The following SLC12A5 variants were observed in gnomAD, a reference collection of about 807,000 sequenced individuals.
The protein encoded by SLC12A5 is solute carrier family 12 member 5.
SLC12A5 carries 18 observed loss-of-function variants against 124.0 expected under a neutral mutation model. The observed-to-expected ratio is 0.15, with a 90% CI of 0.10 to 0.22. The LOEUF (loss-of-function observed/expected upper bound fraction) is 0.22, where lower values mean the gene tolerates loss of function less well. Among genes scored for constraint, SLC12A5 ranks in the 10% least tolerant of loss-of-function variants. SLC12A5 has a pLI of 1.00. For missense variants in SLC12A5, 867 were observed against 1,478.7 expected (o/e 0.59, Z 6.78); for synonymous variants, 589 against 568.0 (o/e 1.04, Z -0.53).
chr20:46,043,837 G>A (rs752559988), intron 10 of SLC12A5, 39 bp from the exon 11 acceptor site: 7 of 1,613,614 alleles, frequency 4.3e-6, no homozygotes, highest in South Asian at 1.1e-5. Context: ...GGAGGGGGAG[G>A]ACTGAACCGT....
chr20:46,051,564 A>T, intron 17 of SLC12A5, 111 bp from the exon 18 acceptor site: 3 of 1,017,374 alleles, frequency 2.9e-6, no homozygotes, highest in Non-Finnish European at 4.4e-6. Flanking sequence ...GCTGAGCTTC[A>T]GGAAGATTGG....
intron 1 of SLC12A5, among the ~76,000 whole-genome samples, chr20:46,034,052 G>C (rs965806104): frequency 6.6e-6 from 1 of 151,964 alleles, no homozygotes; most frequent in African/African-American, 2.4e-5. Flanking sequence ...ACCAGCCTGC[G>C]CTTCCCTTCC....
At chr20:46,032,088 C>G (rs1414580645) in intron 1 of SLC12A5, among the ~76,000 whole-genome samples, 1 of 152,232 alleles carries the variant, frequency 6.6e-6, no homozygotes, top group East Asian at 1.9e-4. Context: ...TCTCCCCTGC[C>G]CTCATCTCCT....
intron 2 of SLC12A5, chr20:46,023,282 C>T (rs1474792118): frequency 5.0e-6 from 2 of 398,414 alleles, no homozygotes; most frequent in East Asian, 3.6e-5. Flanking sequence ...TCTCTTTTCT[C>T]ATTTTCATGA....
intron 3 of SLC12A5, 35 bp downstream of exon 3, chr20:46,035,570 GGGAC>G: frequency 6.3e-7 from 1 of 1,591,410 alleles, no homozygotes; most frequent in Non-Finnish European, 8.6e-7. Context: ...TGGAAGAAAA[GGGAC>G]GGATGGGGGG....
In SLC12A5 at chr20:46,035,433, C is replaced by T. The variant is rs1340470237; in HGVS notation, c.177C>T (p.Ser59=). Residue 59 remains serine (S), a synonymous_variant, in exon 3 of 26, where the codon TCC becomes TCT. Transcript: ENST00000243964. ...EEEMDTSPMV[S]SLLSGLANYT... Reference sequence around the variant, plus strand: ...AGATGGACACCAGCCCTATGGTGTCCTCCTTGCTCAGTGGCCTGGCCAACT... The same window carrying T: ...AGATGGACACCAGCCCTATGGTGTCTTCCTTGCTCAGTGGCCTGGCCAACT... 4 of 1,613,902 alleles carry T rather than the reference C, an allele frequency of 2.5e-6. No individual in the cohort carries two copies. Among genetic ancestry groups the T allele is most frequent in the Non-Finnish European group, 8.5e-7 (1 of 1,180,002 alleles).
At chr20:46,049,375 A>AATATGCAT (rs1480221423) in intron 16 of SLC12A5, among the ~76,000 whole-genome samples, 2 of 152,208 alleles carry the variant, frequency 1.3e-5, no homozygotes, top group African/African-American at 4.8e-5. Flanking sequence ...TCAGTAAAGA[A>AATATGCAT]ATATGCATAT....
chr20:46,047,612 G>C (rs748307273), intron 15 of SLC12A5, 39 bp downstream of exon 15: 114 of 1,602,250 alleles, frequency 7.1e-5, no homozygotes, highest in Non-Finnish European at 9.2e-5. Flanking sequence ...GCTGGGGAAG[G>C]CTGAAGGGTG....
Position 46,053,453 on chromosome 20 carries a change from TG to T in SLC12A5, c.2548-121del. 1 of 1,314,508 alleles carries T rather than the reference TG, an allele frequency of 7.6e-7. No individual in the cohort carries two copies. The highest frequency in any genetic ancestry group is 1.1e-6 in the Non-Finnish European group (1 of 944,890). The allele number at this position is 1,314,508 out of a possible 1,614,324, so 81.4% of individuals were successfully genotyped here. A position where few individuals can be genotyped will look rare whatever the true frequency, so the allele number is the denominator to read the frequency against. ...AGAGTGGCCCCAAAGACAGAGGATT[TG>T]GGGTCTGCATGTATGTGTGAGGAGT... On this transcript the variant is annotated intron_variant, in intron 19 of 25. Coordinates refer to ENST00000243964, the MANE Select transcript of SLC12A5 (RefSeq NM_020708.5). The surrounding 1 kb of genome is among the most constrained non-coding windows in gnomAD (Gnocchi z 4.7).
chr20:46,058,775 C>A lies in SLC12A5; in HGVS notation c.*1170C>A. On this transcript the variant is annotated 3_prime_UTR_variant, in exon 26 of 26. Coordinates refer to ENST00000243964, the MANE Select transcript of SLC12A5 (RefSeq NM_020708.5). This position sits in a 1 kb window ranked among gnomAD's most constrained non-coding sequence, Gnocchi z 5.8. ...GCCGATTCTGGTTTAGGGGCCGGACCCACTGAGAGGCCCCAGAGCCGCCCG... is the reference window on the plus strand; with the variant it reads ...GCCGATTCTGGTTTAGGGGCCGGACACACTGAGAGGCCCCAGAGCCGCCCG... 1 of 398,528 alleles carries A rather than the reference C, an allele frequency of 2.5e-6. No homozygotes were observed. Among genetic ancestry groups the A allele is most frequent in the South Asian group, 1.3e-4 (1 of 7,616 alleles). 24.7% of individuals were successfully genotyped at this position (398,528 alleles called of 1,614,324 possible).
chr20:46,058,894 A>T lies in SLC12A5; in HGVS notation c.*1289A>T, dbSNP rs1446050474. On this transcript the variant is annotated 3_prime_UTR_variant, in exon 26 of 26. Transcript: ENST00000243964. The surrounding 1 kb of genome is among the most constrained non-coding windows in gnomAD (Gnocchi z 5.8). ...GCTCTGGGGCCGGGCCTCGCTGCTT[A>T]GCAGCGGCCTCTAGCTCCGTCTCCC... 2.5e-6 allele frequency: 1 copy of T among 396,904 alleles called. No individual in the cohort carries two copies. The highest frequency in any genetic ancestry group is 2.1e-5 in the African/African-American group (1 of 48,592). The allele number at this position is 396,904 out of a possible 1,614,324, so 24.6% of individuals were successfully genotyped here. A position where few individuals can be genotyped will look rare whatever the true frequency, so the allele number is the denominator to read the frequency against.
At chr20:46,039,775 C>A (rs1199717457) in intron 6 of SLC12A5, among the ~76,000 whole-genome samples, 8 of 144,636 alleles carry the variant, frequency 5.5e-5, no homozygotes, top group South Asian at 2.2e-4. Context: ...AACTTTATTT[C>A]AAAAAAAAAA....
At chr20:46,032,972 TC>T (rs907019324) in intron 1 of SLC12A5, among the ~76,000 whole-genome samples, 1 of 152,136 alleles carries the variant, frequency 6.6e-6, no homozygotes, top group Non-Finnish European at 1.5e-5. Context: ...TCCCAGGAAC[TC>T]ACATATGTGA....
upstream of SLC12A5, chr20:46,029,054 A>G: frequency 8.9e-7 from 1 of 1,127,686 alleles, no homozygotes; most frequent in Non-Finnish European, 1.1e-6. Flanking sequence ...CCCGCCCCTC[A>G]TCTTCTCTTC....
Position 46,051,787 on chromosome 20 carries a change from G to A in SLC12A5, c.2294G>A (p.Gly765Glu). The A allele has an allele frequency of 6.2e-7, 1 of 1,608,816 alleles. No individual in the cohort carries two copies. Among genetic ancestry groups the A allele is most frequent in the Non-Finnish European group, 8.5e-7 (1 of 1,177,854 alleles). The change falls in exon 18 of 26, where the codon GGG (glycine) becomes GAG (glutamate). Residue 765 changes from glycine (G) to glutamate (E), a missense_variant. Around this residue, in one of 9 missense-constraint regions of SLC12A5, gnomAD observed 110 missense variants for 149.9 expected, o/e 0.73. Transcript: ENST00000243964. ...SHLIQSGGLG[G>E]LQHNTVLVGW... ...CTGATCCAGTCCGGGGGCCTCGGGG[G>A]GCTGCAGCACAACACTGTGCTTGTT...
upstream of SLC12A5, among the ~76,000 whole-genome samples, chr20:46,025,765 A>G (rs2084392476): frequency 6.6e-6 from 1 of 152,144 alleles, no homozygotes. Context: ...TGGACTCATC[A>G]ATTCACTGCT....
upstream of SLC12A5, chr20:46,021,700 G>A: frequency 6.6e-7 from 1 of 1,521,250 alleles, no homozygotes; most frequent in South Asian, 1.2e-5. Flanking sequence ...CTCCCTCCTA[G>A]AGCCTGGTTG....
rs761552284 is a variant in SLC12A5, at chr20:46,056,898, G to C, written c.3112G>C (p.Glu1038Gln). 6.2e-7 allele frequency: 1 copy of C among 1,614,080 alleles called. No homozygotes were observed. Among genetic ancestry groups the C allele is most frequent in the Non-Finnish European group, 8.5e-7 (1 of 1,179,948 alleles). ...TTGCATCTCTTGTGTTTCCTGAAGG[G>C]AGTGGGAGAACTTGTAAGTGCTTCA... ...GIKDFFSMKP[E>Q]WENLNQSNVR... is the part of the protein sequence containing the mutation. The change falls in exon 24 of 26, where the codon GAG (glutamate) becomes CAG (glutamine). Residue 1038 changes from glutamate to glutamine, a missense_variant and splice_region_variant. By Grantham distance (29) the Glu-to-Gln change is conservative. Around this residue, in one of 9 missense-constraint regions of SLC12A5, gnomAD observed 180 missense variants for 243.6 expected, o/e 0.74. Coordinates refer to ENST00000243964, the MANE Select transcript of SLC12A5 (RefSeq NM_020708.5). This position sits in a 1 kb window ranked among gnomAD's most constrained non-coding sequence, Gnocchi z 4.3.
intron 7 of SLC12A5, 61 bp downstream of exon 7, chr20:46,040,675 A>G (rs1396959112): frequency 2.0e-5 from 31 of 1,586,126 alleles, no homozygotes; most frequent in Non-Finnish European, 2.2e-5. Context: ...CCTGTTTCAG[A>G]GTCTCTGCCA....
Sources: gnomAD v4.1 joint callset for allele counts (sites outside exome capture counted in the v4.1 genomes callset) on GRCh38, gnomAD v4.1.1 for gene constraint, gnomAD v4.1.1 regional missense constraint, Gnocchi (gnomAD v3.1) non-coding constraint, MANE v1.5 for transcripts, NCBI Gene and HGNC (gene_info 2026-07-23, HGNC 2026-07-21) for gene names.